The following PTPRS variants were observed in gnomAD, a reference collection of about 807,000 sequenced individuals.
The protein encoded by PTPRS is protein tyrosine phosphatase receptor type S, also known as receptor-type tyrosine-protein phosphatase S.
Under a neutral mutation model 215.3 loss-of-function variants are expected in PTPRS, and 63 were observed. That is an observed-to-expected ratio of 0.29 (90% CI 0.24 to 0.36). PTPRS has a LOEUF of 0.36. Ranked by LOEUF, PTPRS falls within the 10% of genes least tolerant of loss-of-function variation. The pLI is 1.00. For missense variants in PTPRS, 2,258 were observed against 2,825.8 expected, an observed-to-expected ratio of 0.80 and a Z score of 4.56; for synonymous variants, 1,404 against 1,191.4, an observed-to-expected ratio of 1.18 and a Z score of -3.68.
chr19:5,228,345 G>GAAAAAAAAAA lies in PTPRS; in HGVS notation c.2376+970_2376+971insTTTTTTTTTT, dbSNP rs1491502602. 1.3e-3 allele frequency among the ~76,000 whole-genome samples: 42 copies of GAAAAAAAAAA among 33,252 alleles called. 2 individuals carry two copies. The highest frequency in any genetic ancestry group is 3.0e-3 in the African/African-American group (31 of 10,500). The allele number at this position is 33,252 out of a possible 152,430, so 21.8% of individuals were successfully genotyped here. ...GGGCGATAGTGTGAGACTCCGTCTG[G>GAAAAAAAAAA]AGAAAAAAAAAAAAAAAAGAGACAG... On this transcript the variant is annotated intron_variant, in intron 16 of 37. Coordinates refer to ENST00000262963, the MANE Select transcript of PTPRS (RefSeq NM_002850.4).
chr19:5,304,871 A>T, intron 1 of PTPRS, among the ~76,000 whole-genome samples: 1 of 150,630 alleles, frequency 6.6e-6, no homozygotes, highest in East Asian at 2.0e-4. Context: ...AGCCCTGAAC[A>T]AAACAGAAAA....
In PTPRS at chr19:5,257,716, A is replaced by T. The variant is rs1599741767; in HGVS notation, c.706+301T>A. On this transcript the variant is annotated intron_variant, in intron 8 of 37. Transcript: ENST00000262963. The surrounding 1 kb of genome is among the most constrained non-coding windows in gnomAD (Gnocchi z 4.4). ...CCCTGGCCCTGTAGGCCCAAGACTG[A>T]CCCCCTCACCCTGCCCCACGCCTTC... is the stretch of plus-strand genomic sequence containing the variant. 6.6e-6 allele frequency among the ~76,000 whole-genome samples: 1 copy of T among 151,058 alleles called. No individual in the cohort carries two copies.
Position 5,258,117 on chromosome 19 carries a change from C to T in PTPRS, c.606G>A (p.Gln202=), listed in dbSNP as rs1180394888. ...FESTPIRGAL[Q]IESSEETDQG... is the part of the protein sequence containing the mutation. ...GGTCGGTTTCCTCACTGCTTTCAAT[C>T]TGCAGGGCTCCTGTGGGAAGATGGG... Residue 202 remains glutamine (Q), a synonymous_variant, in exon 8 of 38, where the codon CAG becomes CAA. Transcript: ENST00000262963. 1.2e-6 allele frequency: 2 copies of T among 1,614,084 alleles called. No homozygotes were observed. The highest frequency in any genetic ancestry group is 1.3e-5 in the African/African-American group (1 of 75,058).
chr19:5,262,883 T>G, intron 6 of PTPRS, 81 bp downstream of exon 6: 1 of 1,411,600 alleles, frequency 7.1e-7, no homozygotes, highest in Non-Finnish European at 9.8e-7. Context: ...TGGCTGTTAG[T>G]TTGGTGAGGA....
chr19:5,253,812 A>G (rs1359497011), intron 9 of PTPRS, among the ~76,000 whole-genome samples: 1 of 152,240 alleles, frequency 6.6e-6, no homozygotes, highest in Non-Finnish European at 1.5e-5. Flanking sequence ...ACTTGCCCAG[A>G]TCATTTGCTT....
intron 1 of PTPRS, among the ~76,000 whole-genome samples, chr19:5,296,910 G>A (rs541182376): frequency 2.1e-4 from 32 of 152,230 alleles, no homozygotes; most frequent in Non-Finnish European, 3.4e-4. Context: ...GGATGACTAG[G>A]CTGGGGCTGG....
chr19:5,222,864 G>T lies in PTPRS; in HGVS notation c.2928C>A (p.Gly976=). The T allele has an allele frequency of 1.3e-6, 2 of 1,587,096 alleles. No homozygotes were observed. Among genetic ancestry groups the T allele is most frequent in the Non-Finnish European group, 1.7e-6 (2 of 1,172,854 alleles). Residue 976 remains glycine (G), a synonymous_variant, in exon 18 of 38, where the codon GGC becomes GGA. Coordinates refer to ENST00000262963, the MANE Select transcript of PTPRS (RefSeq NM_002850.4). ...TVAVREAGAL[G]PARETELPAA... is the part of the protein sequence containing the mutation. ...CCGGCAGCTCAGTCTCTCGGGCAGG[G>T]CCCAGGGCACCGGCCTCCCGCACGG...
rs1599711948 is a variant in PTPRS, at chr19:5,252,575, A to C, written c.718+3533T>G. On this transcript the variant is annotated intron_variant, in intron 9 of 37. Transcript: ENST00000262963. ...CTGGGCAACACAGTGAGATTCTGTC[A>C]AAAAAAAAAAAAAAAAAAAAAAGGC... 3.8e-4 allele frequency among the ~76,000 whole-genome samples: 5 copies of C among 13,210 alleles called. No homozygotes were observed. In the South Asian group the frequency reaches 7.3e-3, roughly 19 times the overall value. The allele number at this position is 13,210 out of a possible 152,430, so 8.7% of individuals were successfully genotyped here.
At chr19:5,311,864 C>A (rs2049714510) in intron 1 of PTPRS, among the ~76,000 whole-genome samples, 1 of 152,000 alleles carries the variant, frequency 6.6e-6, no homozygotes, top group Admixed American at 6.6e-5. Flanking sequence ...CATGGTGAAA[C>A]CCCGTCTCTA....
intron 2 of PTPRS, chr19:5,277,989 G>A (rs1457115504): frequency 1.6e-5 from 23 of 1,396,324 alleles, no homozygotes; most frequent in Non-Finnish European, 5.0e-6. Flanking sequence ...CAAGGAGCTG[G>A]AAGTGCTGAT....
chr19:5,219,576 A>T (rs574065794), intron 22 of PTPRS, 109 bp from the exon 23 acceptor site: 1 of 1,329,996 alleles, frequency 7.5e-7, no homozygotes, highest in South Asian at 1.5e-5. Context: ...AGATCCTCCT[A>T]TATTCCTAGA....
chr19:5,308,937 G>A lies in PTPRS; in HGVS notation c.-94-22703C>T, dbSNP rs1860043. On this transcript the variant is annotated intron_variant, in intron 1 of 37. Coordinates refer to ENST00000262963, the MANE Select transcript of PTPRS (RefSeq NM_002850.4). ...CGTTCCTCTCCCTTCATTACCAGGA[G>A]CACGGGTGGGGTACGGGGCAGGGAG... is the stretch of plus-strand genomic sequence containing the variant. Among the ~76,000 whole-genome samples, 152 of 152,288 alleles carry A rather than the reference G, an allele frequency of 1.0e-3. 2 individuals carry two copies. The highest frequency in any genetic ancestry group is 3.5e-3 in the African/African-American group (144 of 41,556).
intron 13 of PTPRS, among the ~76,000 whole-genome samples, chr19:5,238,331 G>A (rs2043665384): frequency 6.6e-6 from 1 of 152,134 alleles, no homozygotes; most frequent in African/African-American, 2.4e-5. Context: ...CCCGAGTGGG[G>A]ACCTGCATGC....
At chr19:5,222,575 C>T in intron 18 of PTPRS, 114 bp downstream of exon 18, 1 of 1,241,070 alleles carries the variant, frequency 8.1e-7, no homozygotes. Context: ...CTTGAGTGAC[C>T]ACGAGGAAGC....
At chr19:5,333,571 C>G (rs1036672676) in intron 1 of PTPRS, among the ~76,000 whole-genome samples, 3 of 151,938 alleles carry the variant, frequency 2.0e-5, no homozygotes, top group African/African-American at 7.3e-5. Flanking sequence ...GTGTGGTCTT[C>G]CCCAGCTAAA....
In PTPRS at chr19:5,206,699, G is replaced by T; in HGVS notation, c.*75C>A. 7.4e-7 allele frequency: 1 copy of T among 1,350,142 alleles called. No individual in the cohort carries two copies. The highest frequency in any genetic ancestry group is 1.2e-5 in the South Asian group (1 of 84,578). 83.6% of individuals were successfully genotyped at this position (1,350,142 alleles called of 1,614,324 possible). On this transcript the variant is annotated 3_prime_UTR_variant, in exon 38 of 38. Transcript: ENST00000262963. ...TCCTGCCCTGCCCACTGGGGGTCCA[G>T]GCCTCAGGAGGTCCGCCCGGGAGGG...
chr19:5,324,244 A>G (rs1201077003), intron 1 of PTPRS, among the ~76,000 whole-genome samples: 3 of 150,186 alleles, frequency 2.0e-5, no homozygotes, highest in South Asian at 2.1e-4. Context: ...AAAAAAAAAA[A>G]AAAAAAAGAA....
At chr19:5,303,791 A>C (rs1266031641) in intron 1 of PTPRS, among the ~76,000 whole-genome samples, 4 of 151,712 alleles carry the variant, frequency 2.6e-5, no homozygotes, top group African/African-American at 9.7e-5. Context: ...CTCTACTAAA[A>C]ATACAAAAAA....
chr19:5,235,921 A>G (rs1250340596), intron 13 of PTPRS, among the ~76,000 whole-genome samples: 1 of 152,238 alleles, frequency 6.6e-6, no homozygotes, highest in African/African-American at 2.4e-5. Context: ...TGCTGAGGGC[A>G]TTAGTGATAA....
Sources: allele counts gnomAD v4.1 joint callset (sites outside exome capture counted in the v4.1 genomes callset), GRCh38; gene constraint gnomAD v4.1.1; non-coding constraint Gnocchi (gnomAD v3.1); transcripts MANE v1.5; gene names NCBI Gene and HGNC (gene_info 2026-07-23, HGNC 2026-07-21).